SLC2A13: variants seen among roughly 807,000 people sequenced by gnomAD.
SLC2A13 encodes the protein solute carrier family 2 member 13, also known as proton myo-inositol cotransporter.
SLC2A13 carries 32 observed loss-of-function variants against 64.4 expected under a neutral mutation model. That is an observed-to-expected ratio of 0.50 (90% CI 0.37 to 0.67). The LOEUF is 0.67. Among genes scored for constraint, SLC2A13 ranks in the 30% least tolerant of loss-of-function variants. The probability of loss-of-function intolerance (pLI) is 0.00; values close to 1 mark genes in which losing one functional copy is unlikely to be tolerated. For synonymous variants in SLC2A13, 338 were observed against 327.1 expected (o/e 1.03, Z -0.36); for missense variants, 743 against 829.2 (o/e 0.90, Z 1.28).
chr12:40,011,509 C>T (rs146304785), intron 3 of SLC2A13, among the ~76,000 whole-genome samples: 1 of 152,254 alleles, frequency 6.6e-6, no homozygotes, highest in East Asian at 1.9e-4. Flanking sequence ...TCAGGGGATA[C>T]ATGTGCAGGT....
chr12:39,984,698 AGTC>A (rs1946996305), intron 3 of SLC2A13, among the ~76,000 whole-genome samples: 1 of 152,218 alleles, frequency 6.6e-6, no homozygotes, highest in Non-Finnish European at 1.5e-5. Flanking sequence ...CTTAAAAGGT[AGTC>A]AACAGTTTCT....
At chr12:39,813,822 G>T (rs73092133) in intron 7 of SLC2A13, among the ~76,000 whole-genome samples, 1 of 152,048 alleles carries the variant, frequency 6.6e-6, no homozygotes, top group Admixed American at 6.6e-5. Flanking sequence ...AGATGTAATT[G>T]GGAATATTAA....
intron 3 of SLC2A13, among the ~76,000 whole-genome samples, chr12:39,995,246 A>G (rs1302930291): frequency 6.6e-6 from 1 of 152,222 alleles, no homozygotes; most frequent in African/African-American, 2.4e-5. Flanking sequence ...GGTGATTAGG[A>G]TATCCATCAC....
intron 1 of SLC2A13, among the ~76,000 whole-genome samples, chr12:40,049,770 C>T (rs1292974592): frequency 6.6e-6 from 1 of 152,042 alleles, no homozygotes; most frequent in Non-Finnish European, 1.5e-5. Flanking sequence ...AACAGATAGG[C>T]AAGATTTATT....
intron 4 of SLC2A13, among the ~76,000 whole-genome samples, chr12:39,942,899 C>A (rs145887713): frequency 2.6e-5 from 4 of 151,986 alleles, no homozygotes; most frequent in African/African-American, 7.3e-5. Context: ...GATTTATCTA[C>A]CTCTGGTCTT....
intron 4 of SLC2A13, among the ~76,000 whole-genome samples, chr12:39,879,959 G>T (rs1214157922): frequency 6.6e-6 from 1 of 152,114 alleles, no homozygotes; most frequent in Non-Finnish European, 1.5e-5. Context: ...TCATGGGGTG[G>T]ATCCTTCATG....
chr12:39,931,747 G>A (rs1018985645), intron 4 of SLC2A13, among the ~76,000 whole-genome samples: 1 of 151,896 alleles, frequency 6.6e-6, no homozygotes, highest in Non-Finnish European at 1.5e-5. Flanking sequence ...AGTACGTTAG[G>A]AATGGACTCT....
Position 39,973,863 on chromosome 12 carries a change from G to A in SLC2A13, c.926-22498C>T, listed in dbSNP as rs1290638209. ...CATTTGGTTCTAATTTCCATCTGCAGAGTGGTCCATAATTTGTATATTTTT... is the reference window on the plus strand; with the variant it reads ...CATTTGGTTCTAATTTCCATCTGCAAAGTGGTCCATAATTTGTATATTTTT... On this transcript the variant is annotated intron_variant, in intron 3 of 9. Transcript: ENST00000280871. 2.6e-5 allele frequency among the ~76,000 whole-genome samples: 4 copies of A among 152,212 alleles called. No individual in the cohort carries two copies. The East Asian group carries it at 7.7e-4, about 29-fold the overall frequency.
In SLC2A13 at chr12:40,103,259, T is replaced by C. The variant is rs567879413; in HGVS notation, c.556+1994A>G. Among the ~76,000 whole-genome samples, 4 of 152,182 alleles carry C rather than the reference T, an allele frequency of 2.6e-5. No individual in the cohort carries two copies. In the East Asian group the frequency reaches 7.7e-4, roughly 29 times the overall value. On this transcript the variant is annotated intron_variant, in intron 1 of 9. Transcript: ENST00000280871. ...CCTATGCTTTCCTTCCTTTACCCAT[T>C]TTGCCCCTTGCTTAGAACGTCCTTT...
chr12:40,004,627 T>C (rs974916240), intron 3 of SLC2A13, among the ~76,000 whole-genome samples: 4 of 151,456 alleles, frequency 2.6e-5, no homozygotes, highest in Non-Finnish European at 2.9e-5. Flanking sequence ...TTTTTTTTTT[T>C]CACAGTTCTA....
At chr12:39,807,795 C>T (rs1942025212) in intron 7 of SLC2A13, among the ~76,000 whole-genome samples, 1 of 152,066 alleles carries the variant, frequency 6.6e-6, no homozygotes, top group African/African-American at 2.4e-5. Context: ...GTGAGTCTAG[C>T]TATAAAAGTT....
rs376854105 is a variant in SLC2A13 at position 39,811,300 on chromosome 12, T to G, written c.1445+18803A>C. On this transcript the variant is annotated intron_variant, in intron 7 of 9. Coordinates refer to ENST00000280871, the MANE Select transcript of SLC2A13 (RefSeq NM_052885.4). ...TTACTTCATCTATTGCTTTTACATT[T>G]TCTATTTTATTGTTTCCTACTACCA... Among the ~76,000 whole-genome samples the G allele has an allele frequency of 1.4e-4, 22 of 152,160 alleles. No individual in the cohort carries two copies. The East Asian group carries it at 3.9e-3, about 27-fold the overall frequency.
At chr12:39,900,623 A>C (rs1307454999) in intron 4 of SLC2A13, among the ~76,000 whole-genome samples, 1 of 152,178 alleles carries the variant, frequency 6.6e-6, no homozygotes, top group African/African-American at 2.4e-5. Flanking sequence ...TAGGAATCCA[A>C]CTTACAAGGG....
At chr12:39,767,103 T>C (rs1357022625) in intron 7 of SLC2A13, among the ~76,000 whole-genome samples, 1 of 152,072 alleles carries the variant, frequency 6.6e-6, no homozygotes, top group Non-Finnish European at 1.5e-5. Context: ...GAGAAATCAC[T>C]ATCTATGGCA....
chr12:39,939,298 G>C (rs962305431), intron 4 of SLC2A13, among the ~76,000 whole-genome samples: 1 of 152,138 alleles, frequency 6.6e-6, no homozygotes, highest in African/African-American at 2.4e-5. Context: ...ATATACACAG[G>C]GAAATGGAAA....
chr12:39,996,343 T>G (rs1297710945), intron 3 of SLC2A13, among the ~76,000 whole-genome samples: 1 of 152,212 alleles, frequency 6.6e-6, no homozygotes, highest in Non-Finnish European at 1.5e-5. Flanking sequence ...ACATTCAGTT[T>G]TATCAGGGAA....
chr12:40,061,689 G>A (rs767264725), intron 1 of SLC2A13, among the ~76,000 whole-genome samples: 19 of 151,894 alleles, frequency 1.3e-4, no homozygotes, highest in South Asian at 4.1e-4. Flanking sequence ...AAGTGGGGTC[G>A]TGAACCCAAT....
intron 3 of SLC2A13, among the ~76,000 whole-genome samples, chr12:40,008,226 C>T (rs1258024003): frequency 1.3e-5 from 2 of 151,962 alleles, no homozygotes; most frequent in Non-Finnish European, 2.9e-5. Context: ...ACAGAGAAGC[C>T]AAAAAGATTT....
chr12:40,039,839 T>C (rs1454930874), intron 2 of SLC2A13, among the ~76,000 whole-genome samples: 1 of 152,236 alleles, frequency 6.6e-6, no homozygotes, highest in African/African-American at 2.4e-5. Context: ...GTCCAAAGTT[T>C]ACATTAGGTT....
Sources: allele counts gnomAD v4.1 joint callset (sites outside exome capture counted in the v4.1 genomes callset), GRCh38; gene constraint gnomAD v4.1.1; transcripts MANE v1.5; gene names NCBI Gene and HGNC (gene_info 2026-07-23, HGNC 2026-07-21).